Variants in FIG4 observed in about 807,000 individuals in gnomAD.
The protein encoded by FIG4 is polyphosphoinositide phosphatase.
Under a neutral mutation model 118.6 loss-of-function variants are expected in FIG4, and 112 were observed. That is an observed-to-expected ratio of 0.94 (90% CI 0.81 to 1.11). FIG4 has a LOEUF of 1.11. FIG4 is among the 50% of genes least tolerant of loss of function. FIG4 has a pLI of 0.00. For synonymous variants in FIG4, 369 were observed against 381.2 expected, an observed-to-expected ratio of 0.97 and a Z score of 0.37; for missense variants, 969 against 1,111.7, an observed-to-expected ratio of 0.87 and a Z score of 1.83.
intron 1 of FIG4, among the ~76,000 whole-genome samples, chr6:109,693,092 A>G (rs971648473): frequency 6.6e-6 from 1 of 152,054 alleles, no homozygotes; most frequent in Non-Finnish European, 1.5e-5. Flanking sequence ...TCTTCTGCTC[A>G]GAAATCTTCA....
At chr6:109,733,455 C>T (rs191206575) in intron 5 of FIG4, among the ~76,000 whole-genome samples, 2 of 152,156 alleles carry the variant, frequency 1.3e-5, no homozygotes, top group East Asian at 3.9e-4. Flanking sequence ...ACAGTAAGGA[C>T]TTGAGTCATA....
intron 20 of FIG4, 42 bp from the exon 21 acceptor site, chr6:109,792,539 TA>T: frequency 8.0e-7 from 1 of 1,254,432 alleles, no homozygotes; most frequent in Non-Finnish European, 1.2e-6. Flanking sequence ...GCTATATGTC[TA>T]AAAATTCTTC....
At chr6:109,754,310 A>G (rs954678193) in intron 10 of FIG4, among the ~76,000 whole-genome samples, 1 of 152,154 alleles carries the variant, frequency 6.6e-6, no homozygotes, top group Non-Finnish European at 1.5e-5. Flanking sequence ...ATGGTGGATA[A>G]GCTTTTTGAT....
intron 22 of FIG4, among the ~76,000 whole-genome samples, chr6:109,801,135 T>G (rs933507358): frequency 5.3e-5 from 8 of 152,346 alleles, no homozygotes; most frequent in African/African-American, 1.7e-4. Context: ...ATTCTAGGAA[T>G]ATGTCTCATT....
intron 11 of FIG4, among the ~76,000 whole-genome samples, chr6:109,761,292 G>A (rs1326185714): frequency 6.6e-6 from 1 of 152,152 alleles, no homozygotes; most frequent in Non-Finnish European, 1.5e-5. Flanking sequence ...CCGGGTTCAA[G>A]CGATTCTCCT....
In FIG4 at chr6:109,795,031, G is replaced by A. The variant is rs1171408110; in HGVS notation, c.2460-1734G>A. On this transcript the variant is annotated intron_variant, in intron 21 of 22. Transcript: ENST00000230124. ...TCCCTCACCTTTTCTAGTATCTTTG[G>A]TTTGCTATTTTACCAGACCTGAAAG... Among the ~76,000 whole-genome samples, 40 of 144,304 alleles carry A rather than the reference G, an allele frequency of 2.8e-4. 1 individual carries two copies. The Admixed American group carries it at 2.9e-3, about 10-fold the overall frequency. 94.7% of individuals were successfully genotyped at this position (144,304 alleles called of 152,430 possible). A position where few individuals can be genotyped will look rare whatever the true frequency, so the allele number is the denominator to read the frequency against.
At chr6:109,818,494 C>A (rs1778922149) in intron 22 of FIG4, among the ~76,000 whole-genome samples, 1 of 152,148 alleles carries the variant, frequency 6.6e-6, no homozygotes, top group Admixed American at 6.5e-5. Flanking sequence ...GCCACCACAC[C>A]CGGCCTCACA....
At chr6:109,734,332 C>G (rs1776096985) in intron 5 of FIG4, among the ~76,000 whole-genome samples, 1 of 151,010 alleles carries the variant, frequency 6.6e-6, no homozygotes, top group Non-Finnish European at 1.5e-5. Flanking sequence ...TGGAAAGCCC[C>G]CTCAACACTT....
rs575863501 is a variant in FIG4 at position 109,753,866 on chromosome 6, A to G, written c.1138-6384A>G. ...TGAGACAATAGGGTTTTCTAGATATACAATCATGTCATCTGCAAACAGGGA... is the reference window on the plus strand; with the variant it reads ...TGAGACAATAGGGTTTTCTAGATATGCAATCATGTCATCTGCAAACAGGGA... On this transcript the variant is annotated intron_variant, in intron 10 of 22. Transcript: ENST00000230124. 1.3e-3 allele frequency among the ~76,000 whole-genome samples: 205 copies of G among 152,330 alleles called. 2 individuals are homozygous for G. The highest frequency in any genetic ancestry group is 5.4e-3 in the East Asian group (28 of 5,184).
At chr6:109,705,381 A>G (rs1274590579) in intron 1 of FIG4, among the ~76,000 whole-genome samples, 2 of 152,218 alleles carry the variant, frequency 1.3e-5, no homozygotes, top group Non-Finnish European at 2.9e-5. Flanking sequence ...ACAGTAGGCC[A>G]GCTGAAAAGC....
chr6:109,792,127 T>C (rs1250953754), intron 20 of FIG4, among the ~76,000 whole-genome samples: 1 of 152,256 alleles, frequency 6.6e-6, no homozygotes, highest in Non-Finnish European at 1.5e-5. Flanking sequence ...TGGCAAACTA[T>C]GACATATTGG....
chr6:109,747,340 G>C (rs1474916303), intron 10 of FIG4, among the ~76,000 whole-genome samples: 2 of 152,118 alleles, frequency 1.3e-5, no homozygotes, highest in African/African-American at 2.4e-5. Context: ...TGCCCATTTA[G>C]AGTGGCTGAA....
intron 12 of FIG4, among the ~76,000 whole-genome samples, 162 bp from the exon 13 acceptor site, chr6:109,763,775 G>C (rs1777184107): frequency 6.6e-6 from 1 of 152,144 alleles, no homozygotes; most frequent in Admixed American, 6.5e-5. Context: ...TCATTTGCAT[G>C]TTCACTTACC....
chr6:109,767,490 A>T (rs1381190772), intron 15 of FIG4, among the ~76,000 whole-genome samples: 1 of 152,218 alleles, frequency 6.6e-6, no homozygotes, highest in Non-Finnish European at 1.5e-5. Context: ...TTATGAAGGA[A>T]GTGCTCAGTG....
chr6:109,780,919 A>G lies in FIG4; in HGVS notation c.1889+3859A>G, dbSNP rs531571623. Among the ~76,000 whole-genome samples, 141 of 152,374 alleles carry G rather than the reference A, an allele frequency of 9.3e-4. No homozygotes were observed. In the Middle Eastern group the frequency reaches 0.014, roughly 15 times the overall value. On this transcript the variant is annotated intron_variant, in intron 16 of 22. Coordinates refer to ENST00000230124, the MANE Select transcript of FIG4 (RefSeq NM_014845.6). The stretch of plus-strand genomic sequence containing the variant: ...GTTCTGAATTTGATTAATATGGCAT[A>G]CAATCATCTAAGATTCCATCTAATG...
At chr6:109,789,490 C>A in intron 18 of FIG4, 104 bp from the exon 19 acceptor site, 1 of 859,620 alleles carries the variant, frequency 1.2e-6, no homozygotes, top group African/African-American at 1.7e-5. Flanking sequence ...TATGTAACTC[C>A]TAGAGTTAAG....
At chr6:109,732,127 G>A (rs1776019822) in intron 4 of FIG4, among the ~76,000 whole-genome samples, 1 of 152,134 alleles carries the variant, frequency 6.6e-6, no homozygotes, top group Admixed American at 6.6e-5. Flanking sequence ...TAAATTGTTC[G>A]TTATTTATCT....
chr6:109,720,601 A>G (rs1775577390), intron 3 of FIG4, among the ~76,000 whole-genome samples: 1 of 152,206 alleles, frequency 6.6e-6, no homozygotes, highest in African/African-American at 2.4e-5. Flanking sequence ...CGAGTTTAAT[A>G]CTATCCAAAC....
intron 4 of FIG4, among the ~76,000 whole-genome samples, chr6:109,728,460 A>T (rs1251808195): frequency 6.6e-6 from 1 of 152,190 alleles, no homozygotes; most frequent in African/African-American, 2.4e-5. Flanking sequence ...ATTAAAATGG[A>T]ACAAAGAAAT....
Sources: gnomAD v4.1 joint callset for allele counts (sites outside exome capture counted in the v4.1 genomes callset) on GRCh38, gnomAD v4.1.1 for gene constraint, MANE v1.5 for transcripts, NCBI Gene and HGNC (gene_info 2026-07-23, HGNC 2026-07-21) for gene names.